The following OLA1 variants were observed in gnomAD, a reference collection of about 807,000 sequenced individuals.
The protein encoded by OLA1 is obg-like ATPase 1.
OLA1 carries 14 observed loss-of-function variants against 48.4 expected under a neutral mutation model. The ratio of observed to expected loss-of-function variants is 0.29; its 90% CI spans 0.19 to 0.45. The LOEUF is 0.45. OLA1 is among the 20% of genes least tolerant of loss of function. The probability of loss-of-function intolerance (pLI) is 1.00; values close to 1 mark genes in which losing one functional copy is unlikely to be tolerated. For synonymous variants in OLA1, 127 were observed against 150.4 expected (o/e 0.84, Z 1.14); for missense variants, 325 against 467.1 (o/e 0.70, Z 2.80).
chr2:174,202,239 C>T (rs1471631384), intron 4 of OLA1, among the ~76,000 whole-genome samples: 2 of 152,094 alleles, frequency 1.3e-5, no homozygotes, highest in Non-Finnish European at 1.5e-5. Flanking sequence ...ACACCATTCA[C>T]AGTTGAAAGA....
chr2:174,193,206 C>T (rs1247632539), intron 4 of OLA1, among the ~76,000 whole-genome samples: 1 of 151,722 alleles, frequency 6.6e-6, no homozygotes, highest in Non-Finnish European at 1.5e-5. Flanking sequence ...TCTCGTGCCT[C>T]AGCTTCCCGA....
At chr2:174,211,866 T>G (rs971006232) in intron 4 of OLA1, among the ~76,000 whole-genome samples, 37 of 152,216 alleles carry the variant, frequency 2.4e-4, no homozygotes, top group African/African-American at 8.4e-4. Flanking sequence ...TTTGGTTACA[T>G]TAAATATTAT....
At chr2:174,235,037 T>C (rs901679810) in intron 2 of OLA1, among the ~76,000 whole-genome samples, 20 of 151,956 alleles carry the variant, frequency 1.3e-4, no homozygotes, top group African/African-American at 4.6e-4. Flanking sequence ...CACATGCCTG[T>C]AATCGCAGCT....
chr2:174,213,554 A>C (rs1304246662), intron 4 of OLA1, among the ~76,000 whole-genome samples: 1 of 152,218 alleles, frequency 6.6e-6, no homozygotes, highest in African/African-American at 2.4e-5. Context: ...AAATATTTAA[A>C]AATCCAGCAA....
chr2:174,155,503 C>G (rs1323323209), intron 4 of OLA1, among the ~76,000 whole-genome samples: 13 of 152,154 alleles, frequency 8.5e-5, no homozygotes, highest in Admixed American at 8.5e-4. Context: ...AAGCATAAAA[C>G]ATGGCAAACT....
intron 7 of OLA1, among the ~76,000 whole-genome samples, chr2:174,112,104 C>T (rs368634672): frequency 9.9e-5 from 15 of 152,206 alleles, no homozygotes; most frequent in East Asian, 5.8e-4. Context: ...AAAACCTTAC[C>T]TAAATGAAAT....
chr2:174,235,460 G>GA (rs1476841415), intron 2 of OLA1, among the ~76,000 whole-genome samples: 2 of 152,148 alleles, frequency 1.3e-5, no homozygotes, highest in African/African-American at 4.8e-5. Context: ...CAAAGAGCTA[G>GA]AAAACCAGAC....
At chr2:174,186,885 A>G (rs1302761016) in intron 4 of OLA1, among the ~76,000 whole-genome samples, 4 of 152,208 alleles carry the variant, frequency 2.6e-5, no homozygotes, top group Admixed American at 6.5e-5. Flanking sequence ...CATATAAGAC[A>G]TGAAGAAACA....
At chr2:174,116,936 A>G (rs527862496) in intron 7 of OLA1, among the ~76,000 whole-genome samples, 105 of 152,330 alleles carry the variant, frequency 6.9e-4, no homozygotes, top group African/African-American at 2.4e-3. Context: ...CTACTGTAAC[A>G]TGATTTTACA....
At chr2:174,169,460 T>C (rs1180455273) in intron 4 of OLA1, among the ~76,000 whole-genome samples, 3 of 152,212 alleles carry the variant, frequency 2.0e-5, no homozygotes, top group African/African-American at 7.2e-5. Flanking sequence ...CAATTAATCA[T>C]TGACTTTTTC....
chr2:174,224,836 C>T (rs1027568907), intron 3 of OLA1, among the ~76,000 whole-genome samples: 3 of 152,132 alleles, frequency 2.0e-5, no homozygotes, highest in Admixed American at 6.5e-5. Context: ...AGAAGCCAGG[C>T]CTTTGATGAT....
chr2:174,173,700 A>C (rs1423033831), intron 4 of OLA1, among the ~76,000 whole-genome samples: 1 of 151,808 alleles, frequency 6.6e-6, no homozygotes, highest in Non-Finnish European at 1.5e-5. Context: ...AAGAAAAAAA[A>C]ATCAGTGAAA....
At chr2:174,245,912 G>A (rs536966062) in intron 2 of OLA1, among the ~76,000 whole-genome samples, 1 of 151,856 alleles carries the variant, frequency 6.6e-6, no homozygotes, top group Admixed American at 6.6e-5. Flanking sequence ...AGAAGACTTT[G>A]AACACTTAAG....
At chr2:174,235,113 C>T (rs1055159819) in intron 2 of OLA1, among the ~76,000 whole-genome samples, 22 of 152,172 alleles carry the variant, frequency 1.4e-4, no homozygotes, top group Non-Finnish European at 2.4e-4. Flanking sequence ...GAGTGGAGAT[C>T]GCACCACTGC....
chr2:174,189,741 A>G (rs1687733507), intron 4 of OLA1, among the ~76,000 whole-genome samples: 1 of 151,998 alleles, frequency 6.6e-6, no homozygotes, highest in South Asian at 2.1e-4. Flanking sequence ...TTACTGATGC[A>G]TTTTCTCTTT....
intron 7 of OLA1, among the ~76,000 whole-genome samples, chr2:174,119,780 C>T (rs761374473): frequency 2.6e-5 from 4 of 152,082 alleles, no homozygotes; most frequent in African/African-American, 9.7e-5. Context: ...GAACTTGACA[C>T]ATTGCCCTTC....
intron 2 of OLA1, among the ~76,000 whole-genome samples, chr2:174,236,417 A>G (rs185481385): frequency 1.3e-5 from 2 of 152,318 alleles, no homozygotes; most frequent in Admixed American, 6.5e-5. Flanking sequence ...TACACTGGAC[A>G]TGATTAACAG....
At chr2:174,099,715 TTTA>T (rs537052023) in intron 7 of OLA1, among the ~76,000 whole-genome samples, 15 of 152,228 alleles carry the variant, frequency 9.9e-5, no homozygotes, top group Non-Finnish European at 1.9e-4. Flanking sequence ...CCAAAATAAT[TTTA>T]TTAATGACAT....
chr2:174,214,070 C>A (rs892321955), intron 4 of OLA1, among the ~76,000 whole-genome samples: 1 of 151,870 alleles, frequency 6.6e-6, no homozygotes, highest in African/African-American at 2.4e-5. Flanking sequence ...CAGTACCTCA[C>A]GCCTGTAATC....
Sources: allele counts gnomAD v4.1 joint callset (sites outside exome capture counted in the v4.1 genomes callset), GRCh38; gene constraint gnomAD v4.1.1; transcripts MANE v1.5; gene names NCBI Gene and HGNC (gene_info 2026-07-23, HGNC 2026-07-21).